HS6ST3: variants seen among roughly 807,000 people sequenced by gnomAD.
The protein encoded by HS6ST3 is heparan sulfate 6-O-sulfotransferase 3, also known as heparan-sulfate 6-O-sulfotransferase 3.
A neutral mutation model predicts 36.7 loss-of-function variants in HS6ST3; 12 were observed. The ratio of observed to expected loss-of-function variants is 0.33; its 90% CI spans 0.21 to 0.53. The LOEUF (loss-of-function observed/expected upper bound fraction) is 0.53. Ranked by LOEUF, HS6ST3 falls within the 20% of genes least tolerant of loss-of-function variation. HS6ST3 has a pLI of 0.95. For synonymous variants in HS6ST3, 240 were observed against 257.5 expected, an observed-to-expected ratio of 0.93 and a Z score of 0.65; for missense variants, 584 against 640.9, an observed-to-expected ratio of 0.91 and a Z score of 0.96.
At chr13:96,163,471 C>T (rs1242843225) in intron 1 of HS6ST3, among the ~76,000 whole-genome samples, 14 of 152,032 alleles carry the variant, frequency 9.2e-5, no homozygotes, top group East Asian at 3.9e-4. Flanking sequence ...CCTCGTGATC[C>T]GCCCGCCTTG....
intron 1 of HS6ST3, among the ~76,000 whole-genome samples, chr13:96,198,796 A>G (rs1431608215): frequency 1.3e-5 from 2 of 152,188 alleles, no homozygotes; most frequent in Non-Finnish European, 2.9e-5. Flanking sequence ...ACATTTTTGT[A>G]TCTCCTTCTG....
At chr13:96,328,400 A>C (rs1321246219) in intron 1 of HS6ST3, among the ~76,000 whole-genome samples, 1 of 151,996 alleles carries the variant, frequency 6.6e-6, no homozygotes, top group Admixed American at 6.5e-5. Context: ...AGGGTTGTTG[A>C]ATTTTGTCCA....
intron 1 of HS6ST3, among the ~76,000 whole-genome samples, chr13:96,706,413 T>TTTTATATATATATA (rs5805987): frequency 1.2e-4 from 14 of 121,058 alleles, no homozygotes; most frequent in Non-Finnish European, 2.0e-4. Flanking sequence ...AGAATATATT[T>TTTTATATATATATA]TATATATATA....
intron 1 of HS6ST3, among the ~76,000 whole-genome samples, chr13:96,503,318 G>A (rs1365049635): frequency 3.9e-5 from 6 of 152,114 alleles, no homozygotes; most frequent in Non-Finnish European, 8.8e-5. Context: ...CCATTGGTGA[G>A]CAACTGCCAT....
rs564423717 is a variant in HS6ST3 at position 96,495,841 on chromosome 13, T to C, written c.708-336649T>C. Among the ~76,000 whole-genome samples, 7 of 152,314 alleles carry C rather than the reference T, an allele frequency of 4.6e-5. No individual in the cohort carries two copies. In the South Asian group the frequency reaches 1.5e-3, roughly 32 times the overall value. On this transcript the variant is annotated intron_variant, in intron 1 of 1. Transcript: ENST00000376705. ...GAGCAAAACATCATAAAAAAAATAC[T>C]CATTAATGTTTGGATGTATTCTCCC...
chr13:96,380,187 G>A (rs904566596), intron 1 of HS6ST3, among the ~76,000 whole-genome samples: 2 of 151,566 alleles, frequency 1.3e-5, no homozygotes, highest in African/African-American at 2.4e-5. Flanking sequence ...GATTGACCTT[G>A]TGCTTGCATG....
At chr13:96,564,884 C>T (rs186967934) in intron 1 of HS6ST3, among the ~76,000 whole-genome samples, 2 of 152,252 alleles carry the variant, frequency 1.3e-5, no homozygotes, top group East Asian at 1.9e-4. Context: ...TTTCCATATG[C>T]ATTTGCAGAA....
intron 1 of HS6ST3, among the ~76,000 whole-genome samples, chr13:96,436,393 G>A (rs559780123): frequency 5.9e-5 from 9 of 152,216 alleles, no homozygotes; most frequent in South Asian, 4.1e-4. Context: ...TATGTCAATG[G>A]TATCATGCTT....
intron 1 of HS6ST3, among the ~76,000 whole-genome samples, chr13:96,354,610 G>A (rs1374281161): frequency 6.6e-6 from 1 of 152,026 alleles, no homozygotes; most frequent in African/African-American, 2.4e-5. Flanking sequence ...ATTACATAAT[G>A]TTACTGCTTA....
At chr13:96,673,466 A>G (rs1428324649) in intron 1 of HS6ST3, among the ~76,000 whole-genome samples, 1 of 152,176 alleles carries the variant, frequency 6.6e-6, no homozygotes, top group East Asian at 1.9e-4. Context: ...TGAAGTGTTT[A>G]GTCTTCATCA....
intron 1 of HS6ST3, among the ~76,000 whole-genome samples, chr13:96,091,908 G>T (rs1566879932): frequency 6.6e-6 from 1 of 152,274 alleles, no homozygotes; most frequent in Admixed American, 6.5e-5. Flanking sequence ...AGCGGATCGC[G>T]GTCTGGGTTA....
chr13:96,364,154 A>G (rs980010536), intron 1 of HS6ST3, among the ~76,000 whole-genome samples: 3 of 152,168 alleles, frequency 2.0e-5, no homozygotes, highest in Non-Finnish European at 2.9e-5. Flanking sequence ...GTATGTAGAA[A>G]AATTGAAACC....
chr13:96,663,562 A>G (rs1365163308), intron 1 of HS6ST3, among the ~76,000 whole-genome samples: 6 of 152,178 alleles, frequency 3.9e-5, no homozygotes, highest in Non-Finnish European at 8.8e-5. Flanking sequence ...GGGAATATGC[A>G]ATGCTACATC....
intron 1 of HS6ST3, among the ~76,000 whole-genome samples, chr13:96,480,686 C>T (rs950659432): frequency 1.3e-5 from 2 of 152,160 alleles, no homozygotes; most frequent in Non-Finnish European, 2.9e-5. Context: ...CTCCACTGTG[C>T]TACTCCCTGA....
At chr13:96,586,682 T>C (rs996175561) in intron 1 of HS6ST3, among the ~76,000 whole-genome samples, 1 of 152,208 alleles carries the variant, frequency 6.6e-6, no homozygotes, top group Non-Finnish European at 1.5e-5. Flanking sequence ...GTTGTTTGGG[T>C]TCCTTATACA....
At chr13:96,137,334 AGTTT>A (rs1386772360) in intron 1 of HS6ST3, among the ~76,000 whole-genome samples, 2 of 151,874 alleles carry the variant, frequency 1.3e-5, no homozygotes, top group African/African-American at 2.4e-5. Context: ...AGGTATGAAT[AGTTT>A]GTTTATTTTT....
At chr13:96,743,047 G>A (rs9584408) in intron 1 of HS6ST3, among the ~76,000 whole-genome samples, 92,192 of 151,862 alleles carry the variant, frequency 0.61, 29,355 homozygotes, top group African/African-American at 0.81. Context: ...AAAGAAAAAC[G>A]TGGCTGATTT....
intron 1 of HS6ST3, among the ~76,000 whole-genome samples, chr13:96,494,083 C>G (rs544520112): frequency 6.6e-6 from 1 of 152,012 alleles, no homozygotes; most frequent in African/African-American, 2.4e-5. Context: ...ATTACAGATG[C>G]GTAGAACCAC....
intron 1 of HS6ST3, among the ~76,000 whole-genome samples, chr13:96,206,188 A>G (rs1003148259): frequency 6.6e-6 from 1 of 152,210 alleles, no homozygotes; most frequent in Non-Finnish European, 1.5e-5. Flanking sequence ...AGGGAGCCAA[A>G]TCATGAATGT....
Sources: allele counts gnomAD v4.1 joint callset (sites outside exome capture counted in the v4.1 genomes callset), GRCh38; gene constraint gnomAD v4.1.1; transcripts MANE v1.5; gene names NCBI Gene and HGNC (gene_info 2026-07-23, HGNC 2026-07-21).